The following MAGI3 variants were observed in gnomAD, a reference collection of about 807,000 sequenced individuals.
The protein encoded by MAGI3 is membrane associated guanylate kinase, WW and PDZ domain containing 3.
Under a neutral mutation model 121.8 loss-of-function variants are expected in MAGI3, and 43 were observed. The ratio of observed to expected loss-of-function variants is 0.35; its 90% CI spans 0.28 to 0.46. The LOEUF is 0.46. MAGI3 is among the 20% of genes least tolerant of loss of function. The probability of loss-of-function intolerance (pLI) is 1.00; values close to 1 mark genes in which losing one functional copy is unlikely to be tolerated. For missense variants in MAGI3, 1,547 were observed against 1,797.3 expected, an observed-to-expected ratio of 0.86 and a Z score of 2.52; for synonymous variants, 553 against 639.3, an observed-to-expected ratio of 0.86 and a Z score of 2.04.
chr1:113,488,500 G>A (rs1007150741), intron 1 of MAGI3, among the ~76,000 whole-genome samples: 9 of 152,126 alleles, frequency 5.9e-5, no homozygotes, highest in Admixed American at 4.6e-4. Flanking sequence ...TATAGCTTCT[G>A]TACTGGTAGA....
intron 1 of MAGI3, among the ~76,000 whole-genome samples, chr1:113,394,550 A>G (rs1186048165): frequency 6.6e-6 from 1 of 152,180 alleles, no homozygotes; most frequent in Non-Finnish European, 1.5e-5. Flanking sequence ...TACAGAGTAT[A>G]TATTCTTAAA....
At chr1:113,631,850 C>G (rs1651653722) in intron 9 of MAGI3, among the ~76,000 whole-genome samples, 1 of 152,126 alleles carries the variant, frequency 6.6e-6, no homozygotes, top group African/African-American at 2.4e-5. Flanking sequence ...AAAGCCTTTA[C>G]TTGGTAATTG....
chr1:113,555,874 C>A (rs1248155654), intron 2 of MAGI3, among the ~76,000 whole-genome samples: 1 of 151,404 alleles, frequency 6.6e-6, no homozygotes, highest in African/African-American at 2.4e-5. Context: ...GGAATGAGAC[C>A]CTGTCTCTTA....
At chr1:113,646,674 T>C in intron 12 of MAGI3, 32 bp downstream of exon 12, 1 of 1,494,716 alleles carries the variant, frequency 6.7e-7, no homozygotes. Flanking sequence ...CAGGAGAGCA[T>C]ATAACAAGAT....
In MAGI3 at chr1:113,558,054, A is replaced by G. The variant is rs77539155; in HGVS notation, c.433+8423A>G. ...AGAAAAACCACAAAAACCCCATCCA[A>G]AGATCAGCAACCTCAAAGATCAAAG... On this transcript the variant is annotated intron_variant, in intron 2 of 20. Coordinates refer to ENST00000307546, the MANE Select transcript of MAGI3 (RefSeq NM_001142782.2). 5.4e-3 allele frequency among the ~76,000 whole-genome samples: 829 copies of G among 152,326 alleles called. 8 individuals are homozygous for G. Among genetic ancestry groups the G allele is most frequent in the African/African-American group, 0.019 (793 of 41,568 alleles).
intron 1 of MAGI3, among the ~76,000 whole-genome samples, chr1:113,516,934 G>C (rs775452483): frequency 6.6e-6 from 1 of 151,862 alleles, no homozygotes; most frequent in Admixed American, 6.6e-5. Flanking sequence ...CAGTCTCATC[G>C]TGAGAAAAAC....
At chr1:113,397,483 G>T (rs1485634548) in intron 1 of MAGI3, among the ~76,000 whole-genome samples, 4 of 151,948 alleles carry the variant, frequency 2.6e-5, no homozygotes, top group Admixed American at 2.6e-4. Flanking sequence ...AAAAACACAG[G>T]GCAAAAACGT....
At chr1:113,627,162 A>G (rs1355638064) in intron 9 of MAGI3, among the ~76,000 whole-genome samples, 3 of 151,726 alleles carry the variant, frequency 2.0e-5, no homozygotes, top group South Asian at 2.1e-4. Flanking sequence ...AATTTTTCCA[A>G]TTTCCTTCTT....
At chr1:113,473,961 A>G (rs1655673678) in intron 1 of MAGI3, among the ~76,000 whole-genome samples, 1 of 152,058 alleles carries the variant, frequency 6.6e-6, no homozygotes. Flanking sequence ...TTGCCATTCT[A>G]ACTGGTGTGA....
chr1:113,643,435 C>T (rs905025332), intron 10 of MAGI3, among the ~76,000 whole-genome samples: 4 of 152,102 alleles, frequency 2.6e-5, no homozygotes, highest in Non-Finnish European at 5.9e-5. Context: ...ACAAGTATAA[C>T]AAAGACACCA....
At chr1:113,659,802 A>C (rs1011302272) in intron 16 of MAGI3, among the ~76,000 whole-genome samples, 1 of 152,218 alleles carries the variant, frequency 6.6e-6, no homozygotes, top group Non-Finnish European at 1.5e-5. Context: ...AAACATGTTT[A>C]ATGTCTTGCC....
At chr1:113,395,680 C>A (rs1323296123) in intron 1 of MAGI3, among the ~76,000 whole-genome samples, 1 of 151,780 alleles carries the variant, frequency 6.6e-6, no homozygotes, top group African/African-American at 2.4e-5. Context: ...TGTATATACA[C>A]ACACACATAC....
chr1:113,410,414 AATT>A (rs1651913859), intron 1 of MAGI3, among the ~76,000 whole-genome samples: 1 of 151,986 alleles, frequency 6.6e-6, no homozygotes, highest in South Asian at 2.1e-4. Flanking sequence ...CCATAATAAT[AATT>A]AATTTTATTT....
At chr1:113,647,933 TTC>T (rs879848688) in intron 12 of MAGI3, among the ~76,000 whole-genome samples, 3,961 of 73,994 alleles carry the variant, frequency 0.054, 167 homozygotes, top group African/African-American at 0.21. Context: ...TTTTTTTTTT[TTC>T]CCCTGAGACA....
chr1:113,535,617 A>G (rs1201748490), intron 1 of MAGI3, among the ~76,000 whole-genome samples: 2 of 152,142 alleles, frequency 1.3e-5, no homozygotes, highest in Non-Finnish European at 2.9e-5. Context: ...TTCTAAGAGG[A>G]TATGCAAGTA....
chr1:113,614,859 T>TAG (rs902201788), intron 7 of MAGI3, among the ~76,000 whole-genome samples: 1 of 152,116 alleles, frequency 6.6e-6, no homozygotes, highest in African/African-American at 2.4e-5. Flanking sequence ...TTTCTAAATA[T>TAG]AGAGAATAAG....
At chr1:113,550,671 G>A (rs1278128056) in intron 2 of MAGI3, among the ~76,000 whole-genome samples, 2 of 150,560 alleles carry the variant, frequency 1.3e-5, no homozygotes, top group Admixed American at 6.6e-5. Context: ...CAGGAGAATC[G>A]CTTGAACCTA....
At chr1:113,637,819 G>T (rs1336239433) in intron 9 of MAGI3, among the ~76,000 whole-genome samples, 1 of 152,190 alleles carries the variant, frequency 6.6e-6, no homozygotes, top group Non-Finnish European at 1.5e-5. Context: ...ATATCCTGCG[G>T]AGTGTTTTCC....
At chr1:113,590,159 T>TA in intron 4 of MAGI3, among the ~76,000 whole-genome samples, 1 of 152,222 alleles carries the variant, frequency 6.6e-6, no homozygotes, top group South Asian at 2.1e-4. Flanking sequence ...GCACTTAAAA[T>TA]AGAGCCTGAC....
Sources: gnomAD v4.1 joint callset for allele counts (sites outside exome capture counted in the v4.1 genomes callset) on GRCh38, gnomAD v4.1.1 for gene constraint, MANE v1.5 for transcripts, NCBI Gene and HGNC (gene_info 2026-07-23, HGNC 2026-07-21) for gene names.